Variants in RAPGEF4 observed in about 807,000 individuals in gnomAD.
RAPGEF4 encodes the protein RAP guanine-nucleotide-exchange factor (GEF) 4.
In RAPGEF4, 66 loss-of-function variants were observed where a neutral mutation model predicts 147.9. That is an observed-to-expected ratio of 0.45 (90% CI 0.37 to 0.55). The LOEUF is 0.55. Among genes scored for constraint, RAPGEF4 ranks in the 20% least tolerant of loss-of-function variants. The pLI is 0.00. For missense variants in RAPGEF4, 1,071 were observed against 1,257.3 expected, an observed-to-expected ratio of 0.85 and a Z score of 2.24; for synonymous variants, 419 against 442.7, an observed-to-expected ratio of 0.95 and a Z score of 0.67.
chr2:172,955,332 G>A (rs1028260737), intron 6 of RAPGEF4, among the ~76,000 whole-genome samples: 11 of 152,062 alleles, frequency 7.2e-5, no homozygotes, highest in East Asian at 5.8e-4. Flanking sequence ...AATATTTTCC[G>A]TCTCTGTTTC....
At chr2:172,889,260 A>G (rs765623320) in intron 4 of RAPGEF4, among the ~76,000 whole-genome samples, 1 of 152,130 alleles carries the variant, frequency 6.6e-6, no homozygotes, top group Non-Finnish European at 1.5e-5. Context: ...TCGCCTTTCA[A>G]GTTAATGGGC....
chr2:172,777,587 C>T (rs974199754), intron 1 of RAPGEF4, among the ~76,000 whole-genome samples: 4 of 152,126 alleles, frequency 2.6e-5, no homozygotes, highest in Non-Finnish European at 5.9e-5. Context: ...AAGACCCCCC[C>T]CATGCTAAAC....
intron 1 of RAPGEF4, among the ~76,000 whole-genome samples, chr2:172,787,063 T>C (rs1340646139): frequency 6.6e-6 from 1 of 151,808 alleles, no homozygotes; most frequent in Non-Finnish European, 1.5e-5. Flanking sequence ...TACAAAAAAA[T>C]TAGCCAGGTG....
intron 4 of RAPGEF4, among the ~76,000 whole-genome samples, chr2:172,873,071 G>T (rs1162593786): frequency 2.0e-5 from 3 of 152,144 alleles, no homozygotes; most frequent in African/African-American, 7.2e-5. Context: ...CTTAATTGAA[G>T]ATGCAACTTT....
chr2:172,970,182 CTT>C lies in RAPGEF4; in HGVS notation c.1004+2752_1004+2753del, dbSNP rs71018527. 1.3e-4 allele frequency among the ~76,000 whole-genome samples: 18 copies of C among 139,974 alleles called. 1 individual carries two copies. Among genetic ancestry groups the C allele is most frequent in the Non-Finnish European group, 1.4e-4 (9 of 64,818 alleles). 91.8% of individuals were successfully genotyped at this position (139,974 alleles called of 152,430 possible). A position where few individuals can be genotyped will look rare whatever the true frequency, so the allele number is the denominator to read the frequency against. ...CTACATGTACATACACACACACACC[CTT>C]TTTTTTTTTTTTTGATCTGCTAATA... is the stretch of plus-strand genomic sequence containing the variant. On this transcript the variant is annotated intron_variant, in intron 10 of 30. Coordinates refer to ENST00000397081, the MANE Select transcript of RAPGEF4 (RefSeq NM_007023.4).
intron 1 of RAPGEF4, among the ~76,000 whole-genome samples, chr2:172,771,966 G>A (rs563480455): frequency 6.6e-6 from 1 of 152,330 alleles, no homozygotes; most frequent in South Asian, 2.1e-4. Context: ...GCTGGGCATG[G>A]TGGCAACATG....
intron 6 of RAPGEF4, among the ~76,000 whole-genome samples, chr2:172,944,898 A>G (rs2105350344): frequency 6.6e-6 from 1 of 152,280 alleles, no homozygotes; most frequent in East Asian, 1.9e-4. Flanking sequence ...TACTTTGAAT[A>G]AAAAAACTGT....
intron 4 of RAPGEF4, chr2:172,814,669 TTTC>T (rs1665401623): frequency 4.0e-6 from 2 of 501,372 alleles, no homozygotes; most frequent in Non-Finnish European, 7.2e-6. Context: ...CTTATAATTA[TTTC>T]TTGAATGACC....
chr2:172,868,288 C>T (rs1211302506), intron 4 of RAPGEF4, among the ~76,000 whole-genome samples: 3 of 152,206 alleles, frequency 2.0e-5, no homozygotes, highest in African/African-American at 7.2e-5. Flanking sequence ...GAAAGAAAGA[C>T]CTTTGCTTCA....
chr2:172,866,828 G>A (rs1317844770), intron 4 of RAPGEF4, among the ~76,000 whole-genome samples: 1 of 152,084 alleles, frequency 6.6e-6, no homozygotes, highest in Non-Finnish European at 1.5e-5. Context: ...CTGAAATACA[G>A]ACTTTAAAAT....
intron 29 of RAPGEF4, among the ~76,000 whole-genome samples, chr2:173,039,285 G>A (rs192610669): frequency 8.1e-5 from 12 of 148,582 alleles, no homozygotes; most frequent in Non-Finnish European, 8.9e-5. Context: ...GTGAAACCCC[G>A]TCTCTACTAA....
chr2:172,990,766 G>C (rs1255482968), intron 14 of RAPGEF4, 44 bp from the exon 15 acceptor site: 1 of 1,446,776 alleles, frequency 6.9e-7, no homozygotes, highest in Non-Finnish European at 9.6e-7. Context: ...TTCATTGTCT[G>C]AGTAAGCGGC....
At chr2:173,037,040 A>C (rs1223151971) in intron 29 of RAPGEF4, among the ~76,000 whole-genome samples, 2 of 152,168 alleles carry the variant, frequency 1.3e-5, no homozygotes, top group African/African-American at 4.8e-5. Flanking sequence ...GATGCCTTTG[A>C]AAGGTTTATC....
chr2:172,848,550 G>C (rs1272766235), intron 4 of RAPGEF4, among the ~76,000 whole-genome samples: 1 of 152,156 alleles, frequency 6.6e-6, no homozygotes, highest in African/African-American at 2.4e-5. Context: ...TGAAACACTG[G>C]GGTGGAGTCA....
chr2:172,853,513 T>G (rs1033482988), intron 4 of RAPGEF4, among the ~76,000 whole-genome samples: 3 of 151,996 alleles, frequency 2.0e-5, no homozygotes, highest in Non-Finnish European at 4.4e-5. Context: ...ATGTTTTTGT[T>G]GACTTTCTGT....
chr2:172,761,355 G>A (rs930366483), intron 1 of RAPGEF4, among the ~76,000 whole-genome samples: 6 of 151,954 alleles, frequency 3.9e-5, no homozygotes, highest in East Asian at 3.9e-4. Flanking sequence ...TGTTTGAGAC[G>A]GAGTCTCAAC....
intron 29 of RAPGEF4, among the ~76,000 whole-genome samples, chr2:173,045,047 A>T (rs535402082): frequency 2.0e-5 from 3 of 152,212 alleles, no homozygotes; most frequent in African/African-American, 7.2e-5. Flanking sequence ...AATGAACCCT[A>T]TATCTCTTTA....
chr2:172,783,212 T>A (rs1045547786), intron 1 of RAPGEF4, among the ~76,000 whole-genome samples: 1 of 152,168 alleles, frequency 6.6e-6, no homozygotes, highest in Non-Finnish European at 1.5e-5. Context: ...TATTCATCCA[T>A]CGGCCGAGGA....
At chr2:172,821,837 C>T in intron 4 of RAPGEF4, 1 of 1,419,410 alleles carries the variant, frequency 7.0e-7, no homozygotes, top group Non-Finnish European at 9.3e-7. Flanking sequence ...TTTCTGTGGA[C>T]TGAGAGCCAC....
Sources: gnomAD v4.1 joint callset for allele counts (sites outside exome capture counted in the v4.1 genomes callset) on GRCh38, gnomAD v4.1.1 for gene constraint, MANE v1.5 for transcripts, NCBI Gene and HGNC (gene_info 2026-07-23, HGNC 2026-07-21) for gene names.